MMP26: variants seen among roughly 807,000 people sequenced by gnomAD.
The protein encoded by MMP26 is matrix metallopeptidase 26.
Under a neutral mutation model 31.0 loss-of-function variants are expected in MMP26, and 33 were observed. The observed-to-expected ratio is 1.06, with a 90% CI of 0.81 to 1.42. MMP26 has a LOEUF of 1.42. Among genes scored for constraint, MMP26 ranks in the 40% most tolerant of loss-of-function variants. The probability of loss-of-function intolerance (pLI) is 0.00; values close to 1 mark genes in which losing one functional copy is unlikely to be tolerated. For synonymous variants in MMP26, 122 were observed against 114.9 expected (o/e 1.06, Z -0.40); for missense variants, 347 against 316.1 (o/e 1.10, Z -0.74).
chr11:4,986,957 CTCCCT>C, intron 2 of MMP26, among the ~76,000 whole-genome samples: 1 of 141,048 alleles, frequency 7.1e-6, no homozygotes, highest in Non-Finnish European at 1.5e-5. Context: ...CTCTCTCTCT[CTCCCT>C]CTCTCTCTCT....
chr11:4,900,706 G>C (rs998661263), intron 2 of MMP26, among the ~76,000 whole-genome samples: 2 of 152,084 alleles, frequency 1.3e-5, no homozygotes, highest in African/African-American at 4.8e-5. Context: ...TTCAAACTTT[G>C]TTCTAACTTC....
intron 1 of MMP26, among the ~76,000 whole-genome samples, chr11:4,715,575 A>G (rs1847919476): frequency 6.6e-6 from 1 of 152,214 alleles, no homozygotes; most frequent in Non-Finnish European, 1.5e-5. Flanking sequence ...AGTTTGGTGA[A>G]GTAGGGAAAA....
intron 2 of MMP26, among the ~76,000 whole-genome samples, chr11:4,860,992 C>T (rs1850146393): frequency 6.6e-6 from 1 of 151,212 alleles, no homozygotes; most frequent in Non-Finnish European, 1.5e-5. Flanking sequence ...CACCAGACAC[C>T]CACAACTACA....
At chr11:4,810,223 C>A (rs1849331264) in intron 2 of MMP26, among the ~76,000 whole-genome samples, 1 of 141,948 alleles carries the variant, frequency 7.0e-6, no homozygotes, top group Non-Finnish European at 1.6e-5. Flanking sequence ...GTGATTTTAT[C>A]TGTATGCATG....
At chr11:4,830,278 G>A (rs1849629481) in intron 2 of MMP26, 3 of 152,042 alleles carry the variant, frequency 2.0e-5, no homozygotes, top group South Asian at 2.1e-4. Context: ...TCCTTAGGAT[G>A]GTTTTATCTT....
chr11:4,849,295 C>A, intron 2 of MMP26: 2 of 1,412,070 alleles, frequency 1.4e-6, no homozygotes, highest in East Asian at 2.3e-5. Flanking sequence ...ATGAAACGTT[C>A]CAAAATAGCC....
At chr11:4,758,586 AG>A (rs1848533998) in intron 1 of MMP26, among the ~76,000 whole-genome samples, 1 of 152,064 alleles carries the variant, frequency 6.6e-6, no homozygotes, top group Non-Finnish European at 1.5e-5. Context: ...AATAAAATGC[AG>A]GTAAATATTT....
intron 2 of MMP26, among the ~76,000 whole-genome samples, chr11:4,831,772 C>T (rs896034495): frequency 1.3e-5 from 2 of 152,150 alleles, no homozygotes; most frequent in Non-Finnish European, 2.9e-5. Flanking sequence ...TAGATTATAA[C>T]ACATTCCACT....
At chr11:4,832,830 G>A (rs1849664660) in intron 2 of MMP26, 1 of 174,932 alleles carries the variant, frequency 5.7e-6, no homozygotes, top group Non-Finnish European at 1.3e-5. Context: ...ATCCCATGGG[G>A]AGTGCCTCGA....
intron 2 of MMP26, among the ~76,000 whole-genome samples, chr11:4,967,376 AC>A: frequency 6.6e-6 from 1 of 152,190 alleles, no homozygotes; most frequent in East Asian, 1.9e-4. Context: ...AAGGCCTTAT[AC>A]GTTTTCTTTA....
intron 2 of MMP26, among the ~76,000 whole-genome samples, chr11:4,895,027 A>G (rs1218161992): frequency 6.6e-6 from 1 of 152,196 alleles, no homozygotes; most frequent in African/African-American, 2.4e-5. Flanking sequence ...TGAAAACATA[A>G]TAAACCTCCC....
intron 2 of MMP26, among the ~76,000 whole-genome samples, chr11:4,818,832 T>G (rs974566931): frequency 1.5e-4 from 23 of 152,152 alleles, no homozygotes; most frequent in Admixed American, 6.5e-4. Flanking sequence ...CATTTTATAT[T>G]ATTATATTAA....
intron 2 of MMP26, among the ~76,000 whole-genome samples, chr11:4,926,862 T>C (rs1374950026): frequency 2.0e-5 from 3 of 152,198 alleles, no homozygotes; most frequent in Non-Finnish European, 4.4e-5. Flanking sequence ...TGGAACTTAG[T>C]AAAGTCTGCT....
intron 2 of MMP26, among the ~76,000 whole-genome samples, chr11:4,906,018 CAG>C (rs1850882233): frequency 6.6e-6 from 1 of 151,894 alleles, no homozygotes; most frequent in African/African-American, 2.4e-5. Context: ...TAATTAAATA[CAG>C]AGATATAAGA....
At chr11:4,794,709 C>A (rs1849081339) in intron 2 of MMP26, among the ~76,000 whole-genome samples, 1 of 152,082 alleles carries the variant, frequency 6.6e-6, no homozygotes, top group Admixed American at 6.6e-5. Flanking sequence ...TAAGCTAAAC[C>A]CTTTGGTTCG....
intron 2 of MMP26, among the ~76,000 whole-genome samples, chr11:4,817,889 T>C (rs537917149): frequency 4.9e-4 from 74 of 151,712 alleles, no homozygotes; most frequent in Admixed American, 1.4e-3. Context: ...GGAGAGTGAG[T>C]AGAAAGGGCA....
chr11:4,877,721 AAATT>A (rs1401219933), intron 2 of MMP26: 1 of 152,172 alleles, frequency 6.6e-6, no homozygotes, highest in Non-Finnish European at 1.5e-5. Flanking sequence ...ATTTAAATGT[AAATT>A]TAAGTAGTCA....
At position 4,815,371 on chromosome 11, in the gene MMP26, C is replaced by A. The variant is rs1236144450; in HGVS notation, c.-145+48030C>A. Among the ~76,000 whole-genome samples the A allele has an allele frequency of 3.9e-5, 6 of 152,054 alleles. No homozygotes were observed. In the South Asian group the frequency reaches 1.2e-3, roughly 32 times the overall value. ...CTGTTTTAGGGTAAAGATCTTGAGGCCCACGAAGAATTTCCTTGTGGGCAA... is the reference window on the plus strand; with the variant it reads ...CTGTTTTAGGGTAAAGATCTTGAGGACCACGAAGAATTTCCTTGTGGGCAA... On this transcript the variant is annotated intron_variant, in intron 2 of 7. Transcript: ENST00000380390.
At chr11:4,711,599 G>A (rs1017956399) in intron 1 of MMP26, 2 of 152,086 alleles carry the variant, frequency 1.3e-5, no homozygotes, top group African/African-American at 2.4e-5. Flanking sequence ...GCAACCCACT[G>A]AATACACTCA....
Sources: allele counts gnomAD v4.1 joint callset (sites outside exome capture counted in the v4.1 genomes callset), GRCh38; gene constraint gnomAD v4.1.1; transcripts MANE v1.5; gene names NCBI Gene and HGNC (gene_info 2026-07-23, HGNC 2026-07-21).